The following GNAQ variants were observed in gnomAD, a reference collection of about 807,000 sequenced individuals.
GNAQ encodes guanine nucleotide-binding protein G(q) subunit alpha.
GNAQ carries 8 observed loss-of-function variants against 43.9 expected under a neutral mutation model. That is an observed-to-expected ratio of 0.18 (90% CI 0.11 to 0.33). The LOEUF (loss-of-function observed/expected upper bound fraction) is 0.33, where lower values mean the gene tolerates loss of function less well. Ranked by LOEUF, GNAQ falls within the 10% of genes least tolerant of loss-of-function variation. The pLI, the probability that GNAQ is intolerant of heterozygous loss-of-function variation, is 1.00. For synonymous variants in GNAQ, 155 were observed against 170.7 expected, an observed-to-expected ratio of 0.91 and a Z score of 0.71; for missense variants, 158 against 450.8, an observed-to-expected ratio of 0.35 and a Z score of 5.88.
intron 2 of GNAQ, among the ~76,000 whole-genome samples, chr9:77,869,935 C>A (rs1473594612): frequency 6.6e-6 from 1 of 152,158 alleles, no homozygotes; most frequent in African/African-American, 2.4e-5. Flanking sequence ...GTGAAAAATT[C>A]ATAATGTTTA....
At chr9:77,908,793 T>C (rs113871986) in intron 2 of GNAQ, among the ~76,000 whole-genome samples, 3,140 of 152,290 alleles carry the variant, frequency 0.021, 112 homozygotes, top group African/African-American at 0.071. Flanking sequence ...AGGCCTTTAC[T>C]TTGGGCTGCT....
At chr9:77,798,845 G>A (rs1826700048) in intron 3 of GNAQ, among the ~76,000 whole-genome samples, 1 of 152,148 alleles carries the variant, frequency 6.6e-6, no homozygotes, top group South Asian at 2.1e-4. Flanking sequence ...CACAAATGCA[G>A]AACCCATAGA....
intron 1 of GNAQ, among the ~76,000 whole-genome samples, chr9:78,002,604 C>T (rs1392173853): frequency 6.6e-6 from 1 of 152,184 alleles, no homozygotes; most frequent in Non-Finnish European, 1.5e-5. Context: ...ACTGTACATT[C>T]TCTGTGATAT....
intron 2 of GNAQ, among the ~76,000 whole-genome samples, chr9:77,919,168 C>T (rs1250836661): frequency 2.6e-5 from 4 of 152,168 alleles, no homozygotes; most frequent in Admixed American, 2.6e-4. Context: ...TACCAGCCCG[C>T]CTTAGCCTCC....
chr9:77,760,205 G>C (rs1359245669), intron 5 of GNAQ, among the ~76,000 whole-genome samples: 2 of 69,540 alleles, frequency 2.9e-5, no homozygotes, highest in Non-Finnish European at 7.4e-5. Flanking sequence ...CACCACAAAA[G>C]AAAATCCTGG....
intron 5 of GNAQ, among the ~76,000 whole-genome samples, chr9:77,746,389 C>T (rs1346707099): frequency 2.6e-5 from 4 of 152,024 alleles, no homozygotes; most frequent in East Asian, 1.9e-4. Context: ...TAAAATGCAA[C>T]GGAACAACCA....
intron 2 of GNAQ, among the ~76,000 whole-genome samples, chr9:77,876,679 C>G (rs1377947397): frequency 6.6e-6 from 1 of 152,148 alleles, no homozygotes; most frequent in Non-Finnish European, 1.5e-5. Context: ...TCATTTGATC[C>G]TTATCTCTTT....
chr9:77,971,026 A>C (rs1449827838), intron 1 of GNAQ, among the ~76,000 whole-genome samples: 1 of 152,222 alleles, frequency 6.6e-6, no homozygotes, highest in Non-Finnish European at 1.5e-5. Context: ...TAGAAAGTCT[A>C]AAAGAAATGG....
chr9:78,028,644 T>A (rs752156662), intron 1 of GNAQ, among the ~76,000 whole-genome samples: 17 of 152,202 alleles, frequency 1.1e-4, no homozygotes, highest in Non-Finnish European at 2.4e-4. Context: ...TATTAGTAGA[T>A]CTTTAAACTG....
At chr9:77,899,970 A>C (rs530304090) in intron 2 of GNAQ, among the ~76,000 whole-genome samples, 3 of 152,114 alleles carry the variant, frequency 2.0e-5, no homozygotes, top group African/African-American at 7.2e-5. Context: ...ATGCCCTTTA[A>C]ATTTTGTTAC....
chr9:77,989,469 T>C (rs1823482263), intron 1 of GNAQ, among the ~76,000 whole-genome samples: 1 of 152,212 alleles, frequency 6.6e-6, no homozygotes, highest in African/African-American at 2.4e-5. Context: ...GAAGAACTGA[T>C]ATTGGAGGTG....
chr9:77,884,810 A>G (rs1828275200), intron 2 of GNAQ, among the ~76,000 whole-genome samples: 1 of 152,232 alleles, frequency 6.6e-6, no homozygotes. Context: ...GGAGAGGTCA[A>G]TGCCCCAAGG....
chr9:77,944,946 C>T (rs1169303815), intron 1 of GNAQ, among the ~76,000 whole-genome samples: 1 of 152,202 alleles, frequency 6.6e-6, no homozygotes, highest in Non-Finnish European at 1.5e-5. Flanking sequence ...GCTGTCCCAT[C>T]CAAGAACACC....
intron 2 of GNAQ, among the ~76,000 whole-genome samples, chr9:77,919,493 G>C (rs374259227): frequency 6.6e-6 from 1 of 152,080 alleles, no homozygotes; most frequent in African/African-American, 2.4e-5. Context: ...GAGAACTCTC[G>C]GAAGAAGAGG....
At chr9:78,013,839 T>C (rs1823804245) in intron 1 of GNAQ, among the ~76,000 whole-genome samples, 2 of 152,200 alleles carry the variant, frequency 1.3e-5, no homozygotes, top group South Asian at 2.1e-4. Flanking sequence ...TACTCATTTA[T>C]TAACAAACTG....
intron 1 of GNAQ, among the ~76,000 whole-genome samples, chr9:77,950,493 C>T (rs1822961535): frequency 1.3e-5 from 2 of 152,206 alleles, no homozygotes; most frequent in East Asian, 1.9e-4. Context: ...GTTTCTGCAA[C>T]CTATTGCCCA....
At chr9:77,997,055 A>C (rs1823578310) in intron 1 of GNAQ, among the ~76,000 whole-genome samples, 1 of 152,250 alleles carries the variant, frequency 6.6e-6, no homozygotes, top group African/African-American at 2.4e-5. Context: ...TTTTACAAAT[A>C]AGGCAGCTGA....
At chr9:77,800,466 C>T (rs1187180203) in intron 3 of GNAQ, among the ~76,000 whole-genome samples, 7 of 151,978 alleles carry the variant, frequency 4.6e-5, no homozygotes, top group Admixed American at 6.6e-5. Context: ...AGTAAACTAT[C>T]GCAAGAACAA....
chr9:77,935,876 T>C (rs1208228644), intron 1 of GNAQ, among the ~76,000 whole-genome samples: 4 of 152,274 alleles, frequency 2.6e-5, no homozygotes, highest in Middle Eastern at 6.8e-3. Context: ...GAAACAGCAA[T>C]AGTCAACCTA....
Sources: gnomAD v4.1 joint callset for allele counts (sites outside exome capture counted in the v4.1 genomes callset) on GRCh38, gnomAD v4.1.1 for gene constraint, MANE v1.5 for transcripts, NCBI Gene and HGNC (gene_info 2026-07-23, HGNC 2026-07-21) for gene names.